Variants in DLC1 observed in about 807,000 individuals in gnomAD.
DLC1 encodes rho GTPase-activating protein 7.
DLC1 carries 54 observed loss-of-function variants against 140.3 expected under a neutral mutation model. The observed-to-expected ratio is 0.38, with a 90% CI of 0.31 to 0.48. The LOEUF (loss-of-function observed/expected upper bound fraction) is 0.48, where lower values mean the gene tolerates loss of function less well. Among genes scored for constraint, DLC1 ranks in the 20% least tolerant of loss-of-function variants. The pLI is 0.96. For synonymous variants in DLC1, 986 were observed against 728.1 expected (o/e 1.35, Z -5.70); for missense variants, 2,536 against 1,907.0 (o/e 1.33, Z -6.14).
chr8:13,107,769 T>TAAAG (rs1819692106), intron 7 of DLC1, among the ~76,000 whole-genome samples: 1 of 152,178 alleles, frequency 6.6e-6, no homozygotes, highest in Admixed American at 6.5e-5. Flanking sequence ...AGAAAGTTGC[T>TAAAG]GGCTGGTCGC....
intron 1 of DLC1, among the ~76,000 whole-genome samples, chr8:13,594,957 T>G (rs1284516283): frequency 6.6e-6 from 1 of 152,080 alleles, no homozygotes; most frequent in Non-Finnish European, 1.5e-5. Context: ...ATTCTTAATC[T>G]TTGATTCCTA....
chr8:13,137,713 T>C (rs1822678721), intron 5 of DLC1, among the ~76,000 whole-genome samples: 1 of 151,174 alleles, frequency 6.6e-6, no homozygotes, highest in Admixed American at 6.6e-5. Flanking sequence ...CAATTCTGCC[T>C]CAGCCTCCCA....
chr8:13,573,554 T>G (rs1804738449), intron 1 of DLC1, among the ~76,000 whole-genome samples: 1 of 152,212 alleles, frequency 6.6e-6, no homozygotes, highest in South Asian at 2.1e-4. Flanking sequence ...GAACTTGCAG[T>G]CTTTGACCAC....
intron 5 of DLC1, among the ~76,000 whole-genome samples, chr8:13,129,985 G>T (rs1159914252): frequency 6.6e-6 from 1 of 152,138 alleles, no homozygotes; most frequent in African/African-American, 2.4e-5. Context: ...AGAAACTTGT[G>T]TTGACAATAC....
At chr8:13,133,332 A>AC (rs1278911682) in intron 5 of DLC1, 31 of 1,102,818 alleles carry the variant, frequency 2.8e-5, no homozygotes, top group East Asian at 7.0e-5. Context: ...CGCTGGGCCC[A>AC]CCCCCCGAGG....
intron 2 of DLC1, among the ~76,000 whole-genome samples, chr8:13,496,976 A>G (rs1801543824): frequency 6.6e-6 from 1 of 151,016 alleles, no homozygotes; most frequent in African/African-American, 2.4e-5. Context: ...AATTTTTTGT[A>G]TTTTTAGTAG....
intron 4 of DLC1, among the ~76,000 whole-genome samples, chr8:13,363,437 T>C (rs1316689523): frequency 1.3e-5 from 2 of 152,004 alleles, no homozygotes; most frequent in African/African-American, 4.8e-5. Flanking sequence ...TTTAATTGAT[T>C]AACAACATTG....
chr8:13,456,239 T>C (rs289546), intron 2 of DLC1, among the ~76,000 whole-genome samples: 73,865 of 151,972 alleles, frequency 0.49, 18,637 homozygotes, highest in African/African-American at 0.61. Context: ...CATTGCTGTA[T>C]GATTTCTCTG....
In DLC1 at chr8:13,153,434, G is replaced by T. The variant is rs534414968; in HGVS notation, c.1349-37777C>A. On this transcript the variant is annotated intron_variant, in intron 5 of 17. Coordinates refer to ENST00000276297, the MANE Select transcript of DLC1 (RefSeq NM_182643.3). Reference sequence around the variant, plus strand: ...TAAACGCAGTGTGGACCCAAAGAGCGAGCAGCAGCAAGATTTAATGCAGAA... The same window carrying T: ...TAAACGCAGTGTGGACCCAAAGAGCTAGCAGCAGCAAGATTTAATGCAGAA... Among the ~76,000 whole-genome samples, 29 of 152,298 alleles carry T rather than the reference G, an allele frequency of 1.9e-4. No individual in the cohort carries two copies. In the South Asian group the frequency reaches 4.8e-3, roughly 25 times the overall value.
rs58038503 is a variant in DLC1, at chr8:13,413,256, A to ATTTTTTTTTTTTTTTTTTTT, written c.1024-11657_1024-11638dup. Among the ~76,000 whole-genome samples, 127 of 82,008 alleles carry ATTTTTTTTTTTTTTTTTTTT rather than the reference A, an allele frequency of 1.5e-3. 25 individuals are homozygous for ATTTTTTTTTTTTTTTTTTTT. The highest frequency in any genetic ancestry group is 2.2e-3 in the Non-Finnish European group (98 of 44,138). The allele number at this position is 82,008 out of a possible 152,430, so 53.8% of individuals were successfully genotyped here. ...TAAAACATTATGAGATTTTTTTGCG[A>ATTTTTTTTTTTTTTTTTTTT]TTTTTTTTTTTTTTTTTTTTTAGCT... On this transcript the variant is annotated intron_variant, in intron 2 of 17. Coordinates refer to ENST00000276297, the MANE Select transcript of DLC1 (RefSeq NM_182643.3).
At chr8:13,158,980 A>T (rs1260735082) in intron 5 of DLC1, among the ~76,000 whole-genome samples, 1 of 152,088 alleles carries the variant, frequency 6.6e-6, no homozygotes, top group African/African-American at 2.4e-5. Flanking sequence ...CCACTCTGGG[A>T]ACCAGCGCTG....
chr8:13,531,691 C>T (rs1487529342), intron 1 of DLC1, among the ~76,000 whole-genome samples: 1 of 152,116 alleles, frequency 6.6e-6, no homozygotes, highest in African/African-American at 2.4e-5. Flanking sequence ...TTCTCTCTTG[C>T]TAATAAATTT....
intron 5 of DLC1, among the ~76,000 whole-genome samples, chr8:13,288,124 T>G (rs1016435811): frequency 6.6e-6 from 1 of 152,198 alleles, no homozygotes; most frequent in Non-Finnish European, 1.5e-5. Flanking sequence ...TTTGACTTTT[T>G]TTCTAACCTA....
chr8:13,206,212 C>A (rs1469236934), intron 5 of DLC1, among the ~76,000 whole-genome samples: 1 of 152,192 alleles, frequency 6.6e-6, no homozygotes, highest in Non-Finnish European at 1.5e-5. Context: ...ACATGTTCAT[C>A]TTGCCTTAGT....
intron 4 of DLC1, among the ~76,000 whole-genome samples, chr8:13,346,437 T>C (rs17091956): frequency 0.037 from 5,594 of 152,342 alleles, 145 homozygotes; most frequent in South Asian, 0.097. Flanking sequence ...ATGTTCACTT[T>C]CAAATCTGCT....
chr8:13,197,885 C>G (rs1393336591), intron 5 of DLC1, among the ~76,000 whole-genome samples: 4 of 152,080 alleles, frequency 2.6e-5, no homozygotes, highest in African/African-American at 9.7e-5. Context: ...TTAGTTTAAA[C>G]TTCTTTTTGC....
At chr8:13,341,355 T>A (rs1335654553) in intron 4 of DLC1, 1 of 152,154 alleles carries the variant, frequency 6.6e-6, no homozygotes, top group Non-Finnish European at 1.5e-5. Context: ...AACGGACATG[T>A]GCTATGCCTT....
At chr8:13,372,126 T>C (rs950414021) in intron 4 of DLC1, among the ~76,000 whole-genome samples, 2 of 151,208 alleles carry the variant, frequency 1.3e-5, no homozygotes, top group African/African-American at 2.4e-5. Context: ...ACATTTCACT[T>C]GTTATTTCTT....
In DLC1 at chr8:13,415,047, T is replaced by G. The variant is rs544292770; in HGVS notation, c.1024-13428A>C. On this transcript the variant is annotated intron_variant, in intron 2 of 17. Coordinates refer to ENST00000276297, the MANE Select transcript of DLC1 (RefSeq NM_182643.3). ...CAGGCTGGTCTCGAACTCCTGACCT[T>G]GTGATTTGCCCACCTTGGCCTCCTA... 3.9e-5 allele frequency among the ~76,000 whole-genome samples: 6 copies of G among 152,196 alleles called. No homozygotes were observed. In the South Asian group the frequency reaches 1.2e-3, roughly 32 times the overall value.
Sources: allele counts gnomAD v4.1 joint callset (sites outside exome capture counted in the v4.1 genomes callset), GRCh38; gene constraint gnomAD v4.1.1; transcripts MANE v1.5; gene names NCBI Gene and HGNC (gene_info 2026-07-23, HGNC 2026-07-21).